The following GDPD5 variants were observed in gnomAD, a reference collection of about 807,000 sequenced individuals.
The protein encoded by GDPD5 is glycerophosphodiester phosphodiesterase domain containing 5, also known as glycerophosphodiester phosphodiesterase 2.
A neutral mutation model predicts 75.1 loss-of-function variants in GDPD5; 48 were observed. The ratio of observed to expected loss-of-function variants is 0.64; its 90% CI spans 0.51 to 0.81. GDPD5 has a LOEUF of 0.81. Ranked by LOEUF, GDPD5 falls within the 40% of genes least tolerant of loss-of-function variation. The pLI is 0.00. For missense variants in GDPD5, 706 were observed against 822.6 expected, an observed-to-expected ratio of 0.86 and a Z score of 1.73; for synonymous variants, 336 against 339.0, an observed-to-expected ratio of 0.99 and a Z score of 0.10.
chr11:75,513,831 G>A (rs1950581728), intron 1 of GDPD5, among the ~76,000 whole-genome samples: 1 of 152,202 alleles, frequency 6.6e-6, no homozygotes, highest in Admixed American at 6.5e-5. Context: ...AGACCACCTG[G>A]CTAGTAGCCT....
chr11:75,505,183 G>C (rs370567208), intron 1 of GDPD5, among the ~76,000 whole-genome samples: 1 of 152,108 alleles, frequency 6.6e-6, no homozygotes, highest in African/African-American at 2.4e-5. Context: ...GATTAGAAAG[G>C]GTATTAGGAA....
At chr11:75,507,628 G>A (rs1192424427) in intron 1 of GDPD5, among the ~76,000 whole-genome samples, 3 of 152,188 alleles carry the variant, frequency 2.0e-5, no homozygotes, top group Non-Finnish European at 2.9e-5. Context: ...GTTGCCCCAC[G>A]AGGCCATCTG....
chr11:75,444,320 C>G, intron 10 of GDPD5, 93 bp downstream of exon 10: 2 of 903,012 alleles, frequency 2.2e-6, no homozygotes, highest in Non-Finnish European at 3.7e-6. Context: ...ATCTCAGAGG[C>G]TCTGAGACCA....
At chr11:75,457,650 C>G in intron 5 of GDPD5, 43 bp downstream of exon 5, 1 of 1,564,256 alleles carries the variant, frequency 6.4e-7, no homozygotes, top group African/African-American at 1.4e-5. Context: ...TATCCCTTCC[C>G]CTGGGAGCAG....
At chr11:75,506,318 G>A (rs1047828255) in intron 1 of GDPD5, among the ~76,000 whole-genome samples, 2 of 152,190 alleles carry the variant, frequency 1.3e-5, no homozygotes, top group African/African-American at 4.8e-5. Context: ...GAGGAAGAAG[G>A]AGGAGGGATG....
At chr11:75,477,824 CAGGGGA>C in intron 2 of GDPD5, 29 bp from the exon 3 acceptor site, 1 of 873,486 alleles carries the variant, frequency 1.1e-6, no homozygotes, top group Non-Finnish European at 1.7e-6. Flanking sequence ...GGCAGTGAGG[CAGGGGA>C]AGGGTGAGGA....
chr11:75,473,386 G>A (rs1949711070), intron 3 of GDPD5, among the ~76,000 whole-genome samples: 1 of 152,014 alleles, frequency 6.6e-6, no homozygotes, highest in South Asian at 2.1e-4. Flanking sequence ...ATCATGGGAG[G>A]ATGGGAGGAT....
chr11:75,463,169 G>A (rs957516506), intron 3 of GDPD5, among the ~76,000 whole-genome samples: 3 of 152,196 alleles, frequency 2.0e-5, no homozygotes, highest in Admixed American at 6.5e-5. Flanking sequence ...CCTTTCCATC[G>A]TGTACTGCTC....
At position 75,472,240 on chromosome 11, in the gene GDPD5, CA is replaced by C. The variant is rs372023507; in HGVS notation, c.117+5378del. 1.8e-4 allele frequency among the ~76,000 whole-genome samples: 27 copies of C among 152,234 alleles called. 1 individual carries two copies. The East Asian group carries it at 3.3e-3, about 19-fold the overall frequency. Reference sequence around the variant, plus strand: ...GATCACACACTCAGTCACTGGGAGGCAGGGTCAAGTTCAGGCTGCAGCTCCC... The same window carrying C: ...GATCACACACTCAGTCACTGGGAGGCGGGTCAAGTTCAGGCTGCAGCTCCC... On this transcript the variant is annotated intron_variant, in intron 3 of 16. Transcript: ENST00000336898.
chr11:75,494,250 C>T (rs1300844278), intron 1 of GDPD5, among the ~76,000 whole-genome samples: 1 of 145,568 alleles, frequency 6.9e-6, no homozygotes, highest in African/African-American at 2.5e-5. Flanking sequence ...CGCTCTGTCA[C>T]CCAGGCTGGA....
At chr11:75,512,281 G>GACACACACACATACACAC (rs1555017332) in intron 1 of GDPD5, among the ~76,000 whole-genome samples, 1 of 123,100 alleles carries the variant, frequency 8.1e-6, no homozygotes, top group African/African-American at 3.0e-5. Flanking sequence ...AATTGGGAAG[G>GACACACACACATACACAC]ACACACACAC....
chr11:75,481,885 C>T (rs913732016), intron 2 of GDPD5, among the ~76,000 whole-genome samples: 3 of 152,198 alleles, frequency 2.0e-5, no homozygotes, highest in South Asian at 4.1e-4. Context: ...CTTCCCTGAG[C>T]CTTGGTTTCT....
At chr11:75,471,581 C>T (rs1413511939) in intron 3 of GDPD5, among the ~76,000 whole-genome samples, 1 of 152,142 alleles carries the variant, frequency 6.6e-6, no homozygotes, top group Non-Finnish European at 1.5e-5. Flanking sequence ...GCTGAGGGGC[C>T]CTTAGGAAGA....
At position 75,440,098 on chromosome 11, in the gene GDPD5, G is replaced by T. The variant is rs372886785; in HGVS notation, c.1474-137C>A. 4.4e-5 allele frequency: 28 copies of T among 638,336 alleles called. 1 individual carries two copies. Among genetic ancestry groups the T allele is most frequent in the Admixed American group, 2.7e-4 (9 of 33,702 alleles). 39.5% of individuals were successfully genotyped at this position (638,336 alleles called of 1,614,324 possible). On this transcript the variant is annotated intron_variant, in intron 14 of 16. Coordinates refer to ENST00000336898, the MANE Select transcript of GDPD5 (RefSeq NM_030792.8). The stretch of plus-strand genomic sequence containing the variant: ...GGGAGGACCCTGAGAGGGTCTGGGG[G>T]CTGAAGATGACATTTTGCAGGTGTA...
At chr11:75,457,131 C>T (rs1454702858) in intron 5 of GDPD5, among the ~76,000 whole-genome samples, 4 of 152,222 alleles carry the variant, frequency 2.6e-5, no homozygotes, top group Admixed American at 2.6e-4. Context: ...GTTCCAGTCC[C>T]CGGGATTCTG....
intron 1 of GDPD5, among the ~76,000 whole-genome samples, chr11:75,520,219 T>C (rs977693894): frequency 3.3e-5 from 5 of 152,260 alleles, no homozygotes; most frequent in Admixed American, 6.5e-5. Context: ...CATCAGCTTC[T>C]TACTGAGTTG....
chr11:75,439,821 G>A, intron 15 of GDPD5, 58 bp downstream of exon 15: 1 of 1,388,626 alleles, frequency 7.2e-7, no homozygotes, highest in Non-Finnish European at 1.0e-6. Context: ...TGGCTGGGGT[G>A]GGGGCTGGGC....
chr11:75,457,560 T>A, intron 5 of GDPD5, 133 bp downstream of exon 5: 1 of 621,514 alleles, frequency 1.6e-6, no homozygotes, highest in South Asian at 2.1e-5. Context: ...GATACATTCC[T>A]ACAAATACAA....
At chr11:75,467,219 C>T (rs2135319955) in intron 3 of GDPD5, among the ~76,000 whole-genome samples, 1 of 152,314 alleles carries the variant, frequency 6.6e-6, no homozygotes, top group Non-Finnish European at 1.5e-5. Context: ...TCACTTGGCC[C>T]CTCTGAGCCT....
Sources: allele counts gnomAD v4.1 joint callset (sites outside exome capture counted in the v4.1 genomes callset), GRCh38; gene constraint gnomAD v4.1.1; transcripts MANE v1.5; gene names NCBI Gene and HGNC (gene_info 2026-07-23, HGNC 2026-07-21).